RBMS3: variants seen among roughly 807,000 people sequenced by gnomAD.
RBMS3 encodes the protein RNA binding motif single stranded interacting protein 3.
In RBMS3, 27 loss-of-function variants were observed where a neutral mutation model predicts 66.8. The observed-to-expected ratio is 0.40, with a 90% CI of 0.30 to 0.56. RBMS3 has a LOEUF of 0.56. Among genes scored for constraint, RBMS3 ranks in the 20% least tolerant of loss-of-function variants. The pLI is 0.40. For missense variants in RBMS3, 513 were observed against 549.5 expected, an observed-to-expected ratio of 0.93 and a Z score of 0.66; for synonymous variants, 188 against 183.0, an observed-to-expected ratio of 1.03 and a Z score of -0.22.
rs149573463 is a variant in RBMS3, at chr3:29,798,401, G to T, written c.637+35412G>T. 1.9e-4 allele frequency among the ~76,000 whole-genome samples: 29 copies of T among 150,272 alleles called. No individual in the cohort carries two copies. The East Asian group carries it at 5.6e-3, about 29-fold the overall frequency. ...AAGGAGGGGAAGAAAGGAAAGAAAA[G>T]GAGAAAAAGAGAAAGGGAGAAAGAA... On this transcript the variant is annotated intron_variant, in intron 6 of 14. Coordinates refer to ENST00000383767, the MANE Select transcript of RBMS3 (RefSeq NM_001003793.3).
chr3:29,414,894 G>T (rs146570487), intron 1 of RBMS3, among the ~76,000 whole-genome samples: 179 of 152,218 alleles, frequency 1.2e-3, no homozygotes, highest in African/African-American at 4.2e-3. Context: ...TTTCTCTTAC[G>T]TTTGCCTAAC....
chr3:29,361,794 C>T (rs1048136262), intron 1 of RBMS3, among the ~76,000 whole-genome samples: 1 of 152,110 alleles, frequency 6.6e-6, no homozygotes, highest in Admixed American at 6.6e-5. Context: ...TCATTTCATT[C>T]ATTTGATCTT....
In RBMS3 at chr3:29,535,710, C is replaced by CTTTTTTTTTTTTTTTTTTTTTTTTTTT. The variant is rs149022808; in HGVS notation, c.307+47216_307+47242dup. Among the ~76,000 whole-genome samples the CTTTTTTTTTTTTTTTTTTTTTTTTTTT allele has an allele frequency of 1.3e-4, 5 of 39,732 alleles. 2 individuals are homozygous for CTTTTTTTTTTTTTTTTTTTTTTTTTTT. Among genetic ancestry groups the CTTTTTTTTTTTTTTTTTTTTTTTTTTT allele is most frequent in the African/African-American group, 3.0e-4 (3 of 9,848 alleles). 26.1% of individuals were successfully genotyped at this position (39,732 alleles called of 152,430 possible). ...GAGTTCAATGATTGAGATCATTGCT[C>CTTTTTTTTTTTTTTTTTTTTTTTTTTT]TTTTTTTTTTTTTTTTTTTTTTTTT... On this transcript the variant is annotated intron_variant, in intron 3 of 14. Transcript: ENST00000383767.
At chr3:29,421,907 C>A (rs1332871459) in intron 1 of RBMS3, among the ~76,000 whole-genome samples, 1 of 152,088 alleles carries the variant, frequency 6.6e-6, no homozygotes, top group African/African-American at 2.4e-5. Context: ...GTCAACAAAC[C>A]AATATACCTG....
chr3:29,688,859 G>T (rs1417219421), intron 4 of RBMS3, among the ~76,000 whole-genome samples: 1 of 152,048 alleles, frequency 6.6e-6, no homozygotes, highest in Non-Finnish European at 1.5e-5. Context: ...GGGATTACAG[G>T]TGTGAACCAC....
At chr3:29,786,497 G>A (rs10222391) in intron 6 of RBMS3, among the ~76,000 whole-genome samples, 46,032 of 151,896 alleles carry the variant, frequency 0.3, 7,770 homozygotes, top group African/African-American at 0.46. Flanking sequence ...AAAAATAGGC[G>A]CATAGACCAA....
chr3:29,289,395 T>C (rs919352049), intron 1 of RBMS3, among the ~76,000 whole-genome samples: 6 of 151,958 alleles, frequency 3.9e-5, no homozygotes, highest in Admixed American at 3.9e-4. Flanking sequence ...CTCAAATGTG[T>C]AAAGGCCATT....
At chr3:29,486,642 GA>G (rs1266557446) in intron 2 of RBMS3, among the ~76,000 whole-genome samples, 1 of 152,052 alleles carries the variant, frequency 6.6e-6, no homozygotes, top group Non-Finnish European at 1.5e-5. Flanking sequence ...CTGTAAAAGT[GA>G]TTACATATAC....
chr3:29,295,766 C>T (rs1314330347), intron 1 of RBMS3, among the ~76,000 whole-genome samples: 1 of 151,638 alleles, frequency 6.6e-6, no homozygotes, highest in African/African-American at 2.4e-5. Flanking sequence ...CATAGGTGGA[C>T]ATGCATTTTA....
At chr3:29,714,346 G>A (rs2053301755) in intron 4 of RBMS3, among the ~76,000 whole-genome samples, 1 of 152,172 alleles carries the variant, frequency 6.6e-6, no homozygotes, top group Non-Finnish European at 1.5e-5. Flanking sequence ...CAAGTTTTGT[G>A]GCCTATGCAA....
At chr3:29,945,764 G>A (rs370264962) in intron 12 of RBMS3, among the ~76,000 whole-genome samples, 5 of 151,788 alleles carry the variant, frequency 3.3e-5, no homozygotes, top group African/African-American at 7.2e-5. Context: ...CAGGCTCTAC[G>A]TAAGTCAATT....
chr3:29,295,334 C>CAT (rs34760284), intron 1 of RBMS3, among the ~76,000 whole-genome samples: 26 of 140,910 alleles, frequency 1.8e-4, no homozygotes, highest in Admixed American at 4.3e-4. Flanking sequence ...TATACACACA[C>CAT]ATATATATAT....
intron 1 of RBMS3, among the ~76,000 whole-genome samples, chr3:29,366,020 A>G (rs1403203178): frequency 2.6e-5 from 4 of 152,192 alleles, no homozygotes; most frequent in Non-Finnish European, 5.9e-5. Flanking sequence ...AAAAAGTCAC[A>G]TAGTATAATT....
At chr3:29,634,223 G>A (rs569573978) in intron 4 of RBMS3, among the ~76,000 whole-genome samples, 1 of 151,970 alleles carries the variant, frequency 6.6e-6, no homozygotes, top group Admixed American at 6.6e-5. Context: ...GTGAAGTACA[G>A]CATGTTGTCT....
At chr3:29,383,643 A>G (rs1253621936) in intron 1 of RBMS3, among the ~76,000 whole-genome samples, 1 of 152,054 alleles carries the variant, frequency 6.6e-6, no homozygotes, top group African/African-American at 2.4e-5. Context: ...TAACTTATGA[A>G]CTCTTTTAGG....
rs114703187 is a variant in RBMS3 at position 29,701,298 on chromosome 3, A to G, written c.400-38422A>G. Reference sequence around the variant, plus strand: ...GTCTCAAAAGAAAAAAAAAAAGAAAAAAAGTTTTAAGTAGTGAATGTTACC... The same window carrying G: ...GTCTCAAAAGAAAAAAAAAAAGAAAGAAAGTTTTAAGTAGTGAATGTTACC... On this transcript the variant is annotated intron_variant, in intron 4 of 14. Transcript: ENST00000383767. 9.8e-3 allele frequency among the ~76,000 whole-genome samples: 1,488 copies of G among 152,240 alleles called. 30 individuals are homozygous for G. The highest frequency in any genetic ancestry group is 0.035 in the African/African-American group (1,434 of 41,548).
intron 4 of RBMS3, among the ~76,000 whole-genome samples, chr3:29,674,616 A>G (rs2051154118): frequency 6.6e-6 from 1 of 151,986 alleles, no homozygotes; most frequent in Non-Finnish European, 1.5e-5. Context: ...AATAATAGAC[A>G]GAGAGCCAAA....
At chr3:29,841,305 A>G (rs1397290013) in intron 6 of RBMS3, among the ~76,000 whole-genome samples, 1 of 152,018 alleles carries the variant, frequency 6.6e-6, no homozygotes, top group African/African-American at 2.4e-5. Flanking sequence ...TCAGTAGACC[A>G]TTCTCAATAT....
intron 4 of RBMS3, among the ~76,000 whole-genome samples, chr3:29,717,671 A>C (rs1465768246): frequency 6.6e-6 from 1 of 152,144 alleles, no homozygotes; most frequent in Non-Finnish European, 1.5e-5. Context: ...ATCCATTAGA[A>C]TTGTGCAGAA....
Sources: gnomAD v4.1 joint callset for allele counts (sites outside exome capture counted in the v4.1 genomes callset) on GRCh38, gnomAD v4.1.1 for gene constraint, MANE v1.5 for transcripts, NCBI Gene and HGNC (gene_info 2026-07-23, HGNC 2026-07-21) for gene names.